Variants in SEMA3A observed in about 807,000 individuals in gnomAD.
The protein encoded by SEMA3A is semaphorin-3A.
SEMA3A carries 29 observed loss-of-function variants against 97.9 expected under a neutral mutation model. That is an observed-to-expected ratio of 0.30 (90% CI 0.22 to 0.40). The LOEUF (loss-of-function observed/expected upper bound fraction) is 0.40. Among genes scored for constraint, SEMA3A ranks in the 10% least tolerant of loss-of-function variants. The probability of loss-of-function intolerance (pLI) is 1.00; values close to 1 mark genes in which losing one functional copy is unlikely to be tolerated. For missense variants in SEMA3A, 763 were observed against 951.3 expected, an observed-to-expected ratio of 0.80 and a Z score of 2.60; for synonymous variants, 321 against 323.7, an observed-to-expected ratio of 0.99 and a Z score of 0.09.
chr7:84,390,205 T>C (rs1013934737), intron 1 of SEMA3A, among the ~76,000 whole-genome samples: 2 of 151,978 alleles, frequency 1.3e-5, no homozygotes, highest in Non-Finnish European at 1.5e-5. Context: ...CAACCACTGG[T>C]TGCCTTGAAT....
chr7:84,118,442 T>C (rs1795499341), intron 3 of SEMA3A, among the ~76,000 whole-genome samples: 1 of 152,160 alleles, frequency 6.6e-6, no homozygotes, highest in Admixed American at 6.5e-5. Flanking sequence ...CAACAAAATC[T>C]GCATGAGATT....
chr7:84,420,874 T>C (rs371364795), intron 1 of SEMA3A, among the ~76,000 whole-genome samples: 5 of 152,008 alleles, frequency 3.3e-5, no homozygotes, highest in South Asian at 2.1e-4. Context: ...TTTGATTCTT[T>C]TCTCTTTTAT....
intron 3 of SEMA3A, among the ~76,000 whole-genome samples, chr7:84,221,639 AC>A (rs1562859232): frequency 6.6e-6 from 1 of 152,006 alleles, no homozygotes; most frequent in South Asian, 2.1e-4. Flanking sequence ...TATTAGGAAG[AC>A]CCTAGGAGAG....
intron 3 of SEMA3A, among the ~76,000 whole-genome samples, chr7:84,203,271 A>T (rs1359599363): frequency 6.6e-6 from 1 of 151,692 alleles, no homozygotes; most frequent in Non-Finnish European, 1.5e-5. Context: ...TATAGTTCCT[A>T]TTGCTTTGTA....
intron 4 of SEMA3A, among the ~76,000 whole-genome samples, chr7:84,075,151 T>C: frequency 6.6e-6 from 1 of 152,000 alleles, no homozygotes; most frequent in East Asian, 1.9e-4. Context: ...TAGAAATGCT[T>C]TGCCTCTGCC....
At chr7:84,306,870 T>C (rs1801169755) in intron 3 of SEMA3A, among the ~76,000 whole-genome samples, 1 of 152,040 alleles carries the variant, frequency 6.6e-6, no homozygotes, top group Non-Finnish European at 1.5e-5. Flanking sequence ...AGCAATATGC[T>C]CACATTCCAG....
intron 3 of SEMA3A, among the ~76,000 whole-genome samples, chr7:84,284,985 A>AT (rs1225876705): frequency 6.6e-6 from 1 of 152,174 alleles, no homozygotes; most frequent in Non-Finnish European, 1.5e-5. Flanking sequence ...GTGGACACCA[A>AT]CAGGGAAAAC....
intron 4 of SEMA3A, among the ~76,000 whole-genome samples, chr7:84,079,163 T>C (rs1794062058): frequency 6.6e-6 from 1 of 152,112 alleles, no homozygotes; most frequent in Non-Finnish European, 1.5e-5. Context: ...TTAACTACAA[T>C]GTTTGATGTG....
chr7:84,414,030 A>T, intron 1 of SEMA3A, among the ~76,000 whole-genome samples: 1 of 152,094 alleles, frequency 6.6e-6, no homozygotes, highest in East Asian at 1.9e-4. Context: ...CTTCACCGTA[A>T]ATTTCTGATT....
chr7:84,264,566 T>C (rs1799942961), intron 3 of SEMA3A, among the ~76,000 whole-genome samples: 1 of 152,330 alleles, frequency 6.6e-6, no homozygotes, highest in South Asian at 2.1e-4. Flanking sequence ...TCAGATGAAA[T>C]GCATTCATGT....
chr7:84,248,541 T>G (rs1799527184), intron 3 of SEMA3A, among the ~76,000 whole-genome samples: 1 of 152,190 alleles, frequency 6.6e-6, no homozygotes, highest in South Asian at 2.1e-4. Context: ...CACATTTATG[T>G]TCCTCTACAA....
upstream of SEMA3A, chr7:84,195,024 A>AGAGAGAAAGAGAGAGAGAG (rs1798179833): frequency 6.1e-4 from 86 of 140,642 alleles, 1 homozygote; most frequent in African/African-American, 2.2e-3. Context: ...GAGAGAGAGA[A>AGAGAGAAAGAGAGAGAGAG]AGAGAGAGAG....
At chr7:84,288,779 G>T (rs1012615808) in intron 3 of SEMA3A, among the ~76,000 whole-genome samples, 6 of 152,074 alleles carry the variant, frequency 3.9e-5, no homozygotes, top group Admixed American at 3.9e-4. Context: ...TGTTTGGTGG[G>T]CATGTGAATT....
chr7:84,404,666 G>T (rs947471166), intron 1 of SEMA3A, among the ~76,000 whole-genome samples: 1 of 151,744 alleles, frequency 6.6e-6, no homozygotes, highest in African/African-American at 2.4e-5. Flanking sequence ...TACCCAAAAA[G>T]GGAAGCCCAT....
intron 1 of SEMA3A, among the ~76,000 whole-genome samples, chr7:84,467,276 A>C (rs191423188): frequency 1.5e-3 from 222 of 152,232 alleles, no homozygotes; most frequent in African/African-American, 4.9e-3. Flanking sequence ...TAATCCCAGC[A>C]CTTTGGAAGG....
intron 1 of SEMA3A, among the ~76,000 whole-genome samples, chr7:84,163,932 G>A (rs1365590866): frequency 2.7e-5 from 4 of 148,488 alleles, no homozygotes; most frequent in Non-Finnish European, 3.0e-5. Context: ...CGCAACCTCC[G>A]CCTCCTGGGT....
At chr7:84,237,077 G>A (rs1223484292) in intron 3 of SEMA3A, among the ~76,000 whole-genome samples, 1 of 152,028 alleles carries the variant, frequency 6.6e-6, no homozygotes, top group Non-Finnish European at 1.5e-5. Context: ...ATCGGGAAAA[G>A]CAATGCCCAA....
At chr7:83,976,461 A>T (rs1789153183) in intron 15 of SEMA3A, among the ~76,000 whole-genome samples, 1 of 152,196 alleles carries the variant, frequency 6.6e-6, no homozygotes, top group South Asian at 2.1e-4. Flanking sequence ...TTTCCATAGT[A>T]ATATGGCATA....
At chr7:84,418,955 AT>A in intron 1 of SEMA3A, among the ~76,000 whole-genome samples, 1 of 149,252 alleles carries the variant, frequency 6.7e-6, no homozygotes, top group East Asian at 2.1e-4. Flanking sequence ...ACATATATAT[AT>A]ACACACACAC....
Sources: allele counts gnomAD v4.1 joint callset (sites outside exome capture counted in the v4.1 genomes callset), GRCh38; gene constraint gnomAD v4.1.1; transcripts MANE v1.5; gene names NCBI Gene and HGNC (gene_info 2026-07-23, HGNC 2026-07-21).